The following ARHGAP42 variants were observed in gnomAD, a reference collection of about 807,000 sequenced individuals.
The protein encoded by ARHGAP42 is rho GTPase-activating protein 42.
ARHGAP42 carries 63 observed loss-of-function variants against 125.0 expected under a neutral mutation model. The observed-to-expected ratio is 0.50, with a 90% CI of 0.41 to 0.62. The LOEUF (loss-of-function observed/expected upper bound fraction) is 0.62. Among genes scored for constraint, ARHGAP42 ranks in the 20% least tolerant of loss-of-function variants. The pLI is 0.00. For synonymous variants in ARHGAP42, 339 were observed against 351.0 expected (o/e 0.97, Z 0.38); for missense variants, 766 against 1,024.2 (o/e 0.75, Z 3.44).
At chr11:100,855,532 T>G (rs1261888674) in intron 3 of ARHGAP42, among the ~76,000 whole-genome samples, 1 of 151,982 alleles carries the variant, frequency 6.6e-6, no homozygotes, top group Non-Finnish European at 1.5e-5. Context: ...AAATGCATGA[T>G]CCATAGAAAA....
chr11:100,906,322 A>G (rs1285291968), intron 4 of ARHGAP42, among the ~76,000 whole-genome samples: 1 of 152,216 alleles, frequency 6.6e-6, no homozygotes, highest in East Asian at 1.9e-4. Flanking sequence ...TTAACTAGAA[A>G]TAGAAAGCTA....
At chr11:100,710,031 G>C (rs548390113) in intron 1 of ARHGAP42, among the ~76,000 whole-genome samples, 1 of 152,254 alleles carries the variant, frequency 6.6e-6, no homozygotes, top group Admixed American at 6.5e-5. Flanking sequence ...GGCATCTGCT[G>C]AACTTAACTG....
At chr11:100,850,599 G>A (rs1461257353) in intron 3 of ARHGAP42, among the ~76,000 whole-genome samples, 1 of 152,096 alleles carries the variant, frequency 6.6e-6, no homozygotes, top group Admixed American at 6.6e-5. Context: ...ACAAATAGTG[G>A]TAAAGAGTGC....
At chr11:100,924,330 T>C (rs1014251145) in intron 6 of ARHGAP42, among the ~76,000 whole-genome samples, 1 of 152,144 alleles carries the variant, frequency 6.6e-6, no homozygotes, top group Non-Finnish European at 1.5e-5. Flanking sequence ...AAGATCTTAC[T>C]GCTTGTCATA....
intron 1 of ARHGAP42, among the ~76,000 whole-genome samples, chr11:100,763,958 C>T (rs1862769413): frequency 6.6e-6 from 1 of 151,812 alleles, no homozygotes; most frequent in South Asian, 2.1e-4. Flanking sequence ...TTGTAAGGCT[C>T]ATAGCCTTCC....
At chr11:100,688,037 A>G (rs939484270) in intron 1 of ARHGAP42, 9 of 460,476 alleles carry the variant, frequency 2.0e-5, no homozygotes, top group South Asian at 7.9e-5. Flanking sequence ...GGATGGGGAA[A>G]GTTCTCTACA....
chr11:100,806,833 G>A (rs898118816), intron 3 of ARHGAP42, among the ~76,000 whole-genome samples: 18 of 129,912 alleles, frequency 1.4e-4, no homozygotes, highest in East Asian at 4.5e-4. Context: ...TTGTTTGTTT[G>A]TTTGTTTATT....
chr11:100,749,494 G>A (rs567560480), intron 1 of ARHGAP42, among the ~76,000 whole-genome samples: 12 of 148,070 alleles, frequency 8.1e-5, no homozygotes, highest in East Asian at 6.0e-4. Flanking sequence ...GGCCTGCCCC[G>A]GAAGGCTCAA....
At chr11:100,974,091 A>G (rs1027411604) in intron 18 of ARHGAP42, among the ~76,000 whole-genome samples, 3 of 152,208 alleles carry the variant, frequency 2.0e-5, no homozygotes, top group African/African-American at 7.2e-5. Context: ...TCTTCTCCTG[A>G]GAAGCAAGGA....
chr11:100,689,281 C>T (rs554278358), intron 1 of ARHGAP42, among the ~76,000 whole-genome samples: 8 of 152,268 alleles, frequency 5.3e-5, no homozygotes, highest in East Asian at 1.9e-4. Context: ...ACTGTCCTTC[C>T]TCTGGCTTGC....
chr11:100,979,326 T>C (rs1365494224), intron 22 of ARHGAP42, among the ~76,000 whole-genome samples: 1 of 152,208 alleles, frequency 6.6e-6, no homozygotes, highest in Non-Finnish European at 1.5e-5. Flanking sequence ...TATACATCTT[T>C]GATGACAGTC....
intron 1 of ARHGAP42, among the ~76,000 whole-genome samples, chr11:100,761,284 A>G (rs1862695640): frequency 1.3e-5 from 2 of 152,212 alleles, no homozygotes; most frequent in Admixed American, 6.5e-5. Context: ...TGGTGGCTAA[A>G]GAGAAAGTCC....
intron 11 of ARHGAP42, among the ~76,000 whole-genome samples, chr11:100,948,929 A>G (rs967297937): frequency 6.6e-6 from 1 of 152,164 alleles, no homozygotes; most frequent in African/African-American, 2.4e-5. Flanking sequence ...TTCTCTAATC[A>G]AGACCATTTT....
In ARHGAP42 at chr11:100,728,755, T is replaced by TATATATAC. The variant is rs1364139152; in HGVS notation, c.154+40925_154+40926insATATACAT. ...ATATATATATATATATATATATATA[T>TATATATAC]ATGCACACTTTTCTTTTTTAATTTT... On this transcript the variant is annotated intron_variant, in intron 1 of 23. Coordinates refer to ENST00000298815, the MANE Select transcript of ARHGAP42 (RefSeq NM_152432.4). Among the ~76,000 whole-genome samples, 219 of 108,728 alleles carry TATATATAC rather than the reference T, an allele frequency of 2.0e-3. 4 individuals are homozygous for TATATATAC. The highest frequency in any genetic ancestry group is 3.5e-3 in the Non-Finnish European group (174 of 49,804). The allele number at this position is 108,728 out of a possible 152,430, so 71.3% of individuals were successfully genotyped here. A position where few individuals can be genotyped will look rare whatever the true frequency, so the allele number is the denominator to read the frequency against.
intron 1 of ARHGAP42, among the ~76,000 whole-genome samples, chr11:100,735,758 G>A (rs1029255443): frequency 2.0e-5 from 3 of 151,850 alleles, no homozygotes; most frequent in East Asian, 1.9e-4. Context: ...ACAGGCGCCC[G>A]CCACCACGCC....
chr11:100,875,597 T>C (rs1865802686), intron 4 of ARHGAP42, among the ~76,000 whole-genome samples: 1 of 152,116 alleles, frequency 6.6e-6, no homozygotes, highest in African/African-American at 2.4e-5. Flanking sequence ...AGACCCACCA[T>C]TCCAGGGGTC....
At chr11:100,969,507 G>A (rs1010693414) in intron 17 of ARHGAP42, among the ~76,000 whole-genome samples, 5 of 151,948 alleles carry the variant, frequency 3.3e-5, no homozygotes, top group African/African-American at 1.2e-4. Context: ...TGTGCTTAAT[G>A]TCACAGATTT....
intron 3 of ARHGAP42, among the ~76,000 whole-genome samples, chr11:100,842,023 G>A (rs1047890603): frequency 1.3e-5 from 2 of 152,166 alleles, no homozygotes; most frequent in African/African-American, 2.4e-5. Flanking sequence ...GAAAATGATT[G>A]AGTTACAGGC....
intron 1 of ARHGAP42, among the ~76,000 whole-genome samples, chr11:100,705,890 G>T (rs140655751): frequency 2.1e-4 from 32 of 152,102 alleles, no homozygotes; most frequent in African/African-American, 7.2e-4. Context: ...ATTGATGTGA[G>T]AGCTGTAGAC....
Sources: gnomAD v4.1 joint callset for allele counts (sites outside exome capture counted in the v4.1 genomes callset) on GRCh38, gnomAD v4.1.1 for gene constraint, MANE v1.5 for transcripts, NCBI Gene and HGNC (gene_info 2026-07-23, HGNC 2026-07-21) for gene names.